PIN4: variants seen among roughly 807,000 people sequenced by gnomAD.
PIN4 encodes the protein peptidylprolyl cis/trans isomerase, NIMA-interacting 4, also known as peptidyl-prolyl cis-trans isomerase NIMA-interacting 4.
A neutral mutation model predicts 8.3 loss-of-function variants in PIN4; 3 were observed. The ratio of observed to expected loss-of-function variants is 0.36; its 90% confidence interval spans 0.16 to 0.93. The LOEUF (loss-of-function observed/expected upper bound fraction) is 0.93, where lower values mean the gene tolerates loss of function less well. Ranked by LOEUF, PIN4 falls within the 40% of genes least tolerant of loss-of-function variation. PIN4 has a pLI of 0.44. For synonymous variants in PIN4, 18 were observed against 32.5 expected (o/e 0.55, Z 1.52); for missense variants, 75 against 100.6 (o/e 0.75, Z 1.09).
At position 72,237,658 on chromosome X, in the gene PIN4, G is replaced by A. The variant is rs967331258; in HGVS notation, c.313-25049G>A. The stretch of plus-strand genomic sequence containing the variant: ...GTGCGCCTGTGGTCCCAGCTACTCC[G>A]GAAACAGGTGGGAGGATCGCATGAG... On this transcript the variant is annotated intron_variant, in intron 3 of 3. Transcript: ENST00000423432. 4.6e-5 allele frequency among the ~76,000 whole-genome samples: 5 copies of A among 107,685 alleles called. No individual in the cohort carries two copies. The Admixed American group carries it at 5.0e-4, about 11-fold the overall frequency. The allele number at this position is 107,685 out of a possible 115,157, so 93.5% of individuals were successfully genotyped here. A position where few individuals can be genotyped will look rare whatever the true frequency, so the allele number is the denominator to read the frequency against.
intron 3 of PIN4, among the ~76,000 whole-genome samples, chrX:72,218,066 C>T (rs1200286281): frequency 1.8e-5 from 2 of 110,282 alleles, no homozygotes; most frequent in Non-Finnish European, 3.8e-5. Flanking sequence ...GTCAGGAGAT[C>T]GAGACCATCC....
intron 3 of PIN4, among the ~76,000 whole-genome samples, chrX:72,212,818 G>A (rs774739190): frequency 9.0e-6 from 1 of 111,109 alleles, no homozygotes; most frequent in South Asian, 3.8e-4. Context: ...GGTGGCATGC[G>A]CCTAGACCCA....
intron 2 of PIN4, among the ~76,000 whole-genome samples, chrX:72,195,954 AC>A (rs2042762922): frequency 9.2e-6 from 1 of 108,940 alleles, no homozygotes; most frequent in African/African-American, 3.4e-5. Context: ...CACCATCTCT[AC>A]TAAAAATACA....
At chrX:72,233,721 CA>C (rs35310682) in intron 3 of PIN4, among the ~76,000 whole-genome samples, 5 of 89,609 alleles carry the variant, frequency 5.6e-5, no homozygotes, top group Admixed American at 1.2e-4. Context: ...GACTCCGTCT[CA>C]AAAAAAAAAA....
At chrX:72,261,986 C>T (rs1408086969) in intron 3 of PIN4, among the ~76,000 whole-genome samples, 1 of 110,564 alleles carries the variant, frequency 9.0e-6, no homozygotes, top group Non-Finnish European at 1.9e-5. Context: ...TTTTATCTCT[C>T]TAAGTCCCTT....
At chrX:72,253,849 G>A (rs1415653969) in intron 3 of PIN4, among the ~76,000 whole-genome samples, 1 of 108,782 alleles carries the variant, frequency 9.2e-6, no homozygotes. Flanking sequence ...GTAGTCCTAG[G>A]TAGATGGGAG....
chrX:72,254,719 C>T (rs759756017), intron 3 of PIN4, among the ~76,000 whole-genome samples: 18 of 112,396 alleles, frequency 1.6e-4, no homozygotes, highest in African/African-American at 5.8e-4. Flanking sequence ...CTGATCTATT[C>T]GTGAACTAAG....
intron 3 of PIN4, among the ~76,000 whole-genome samples, chrX:72,253,584 C>A (rs1461462014): frequency 9.0e-6 from 1 of 110,804 alleles, no homozygotes; most frequent in African/African-American, 3.3e-5. Flanking sequence ...GAGATCACAC[C>A]ACTGCACTCC....
chrX:72,246,109 C>T (rs757389196), intron 3 of PIN4, among the ~76,000 whole-genome samples: 6 of 110,991 alleles, frequency 5.4e-5, no homozygotes, highest in Non-Finnish European at 9.4e-5. Context: ...AACATGGCAC[C>T]GAACTCACCC....
downstream of PIN4, among the ~76,000 whole-genome samples, chrX:72,199,710 C>T (rs950567423): frequency 2.7e-5 from 3 of 111,499 alleles, no homozygotes; most frequent in Non-Finnish European, 5.6e-5. Flanking sequence ...AGGAAAGAAG[C>T]GAGAGTGCTG....
intron 3 of PIN4, among the ~76,000 whole-genome samples, chrX:72,222,024 C>T (rs1268305448): frequency 1.8e-5 from 2 of 109,645 alleles, no homozygotes; most frequent in Non-Finnish European, 3.8e-5. Context: ...CCCTCCACCC[C>T]AGGGGGCCCT....
chrX:72,252,631 C>T (rs1306181689), intron 3 of PIN4, among the ~76,000 whole-genome samples: 1 of 112,206 alleles, frequency 8.9e-6, no homozygotes, highest in Admixed American at 9.4e-5. Flanking sequence ...CTCAAGTGAT[C>T]TGCCCGCCTT....
intron 1 of PIN4, among the ~76,000 whole-genome samples, chrX:72,185,801 A>C (rs2042699807): frequency 8.9e-6 from 1 of 112,557 alleles, no homozygotes; most frequent in Non-Finnish European, 1.9e-5. Flanking sequence ...TTTAGCCAAA[A>C]ATGGGTAGTG....
chrX:72,212,148 G>A (rs2042858716), intron 3 of PIN4, among the ~76,000 whole-genome samples: 1 of 109,629 alleles, frequency 9.1e-6, no homozygotes, highest in Non-Finnish European at 1.9e-5. Flanking sequence ...ATGGTGGTGG[G>A]TGCCTGTAAT....
At chrX:72,187,793 C>T (rs1188314560) in intron 2 of PIN4, among the ~76,000 whole-genome samples, 1 of 111,691 alleles carries the variant, frequency 9.0e-6, no homozygotes, top group Non-Finnish European at 1.9e-5. Flanking sequence ...CAGAGCGAGA[C>T]CCTGTCTCAA....
chrX:72,251,657 G>A (rs2043088141), intron 3 of PIN4, among the ~76,000 whole-genome samples: 1 of 111,540 alleles, frequency 9.0e-6, no homozygotes. Context: ...CTCAGATAAA[G>A]ACGTTCAAGT....
chrX:72,182,543 C>CAAA, intron 1 of PIN4, among the ~76,000 whole-genome samples: 1 of 89,830 alleles, frequency 1.1e-5, no homozygotes. Flanking sequence ...GCCTCTGTCT[C>CAAA]AAAAAAAAAA....
chrX:72,181,720 G>T (rs1168175194), upstream of PIN4: 1 of 1,108,511 alleles, frequency 9.0e-7, no homozygotes, highest in South Asian at 1.8e-5. Flanking sequence ...CATGCCCATG[G>T]CGGGGCTTCT....
At chrX:72,254,168 C>T (rs1450132330) in intron 3 of PIN4, among the ~76,000 whole-genome samples, 2 of 111,470 alleles carry the variant, frequency 1.8e-5, no homozygotes, top group Admixed American at 1.9e-4. Context: ...TTCCAAATCT[C>T]ACCCTTTTTC....
Sources: gnomAD v4.1 joint callset for allele counts (sites outside exome capture counted in the v4.1 genomes callset) on GRCh38, gnomAD v4.1.1 for gene constraint, MANE v1.5 for transcripts, NCBI Gene and HGNC (gene_info 2026-07-23, HGNC 2026-07-21) for gene names.